The following KAT2B variants were observed in gnomAD, a reference collection of about 807,000 sequenced individuals.
KAT2B encodes lysine acetyltransferase 2B, also known as histone acetyltransferase KAT2B.
A neutral mutation model predicts 105.9 loss-of-function variants in KAT2B; 36 were observed. The observed-to-expected ratio is 0.34, with a 90% CI of 0.26 to 0.45. The LOEUF is 0.45. Among genes scored for constraint, KAT2B ranks in the 20% least tolerant of loss-of-function variants. KAT2B has a pLI of 1.00. For synonymous variants in KAT2B, 397 were observed against 377.9 expected, an observed-to-expected ratio of 1.05 and a Z score of -0.59; for missense variants, 820 against 1,021.6, an observed-to-expected ratio of 0.80 and a Z score of 2.69.
chr3:20,062,518 G>T lies in KAT2B; in HGVS notation c.304-9815G>T, dbSNP rs1462850536. On this transcript the variant is annotated intron_variant, in intron 1 of 17. Transcript: ENST00000263754. ...GCTCTGTCACCCAGGCTGGAGTGCA[G>T]TGGCATGATCTCGGCTCATTGTAAC... Among the ~76,000 whole-genome samples the T allele has an allele frequency of 3.4e-5, 5 of 146,950 alleles. No individual in the cohort carries two copies. In the Admixed American group the frequency reaches 3.6e-4, roughly 10 times the overall value.
chr3:20,044,889 A>G (rs1048027760), intron 1 of KAT2B, among the ~76,000 whole-genome samples: 2 of 152,234 alleles, frequency 1.3e-5, no homozygotes, highest in Admixed American at 1.3e-4. Flanking sequence ...AGAAAATGGA[A>G]GAAATGATTA....
intron 5 of KAT2B, among the ~76,000 whole-genome samples, chr3:20,106,981 A>ATATATG (rs1250825102): frequency 1.6e-4 from 1 of 6,238 alleles, no homozygotes; most frequent in Non-Finnish European, 2.7e-4. Context: ...ATATATATGT[A>ATATATG]TATATATATA....
intron 1 of KAT2B, among the ~76,000 whole-genome samples, chr3:20,047,117 T>G (rs1176297324): frequency 6.6e-6 from 1 of 151,708 alleles, no homozygotes; most frequent in Non-Finnish European, 1.5e-5. Context: ...GGCAGGGTCT[T>G]ACTCTGCTTC....
intron 1 of KAT2B, among the ~76,000 whole-genome samples, chr3:20,048,866 C>T (rs533151133): frequency 6.6e-6 from 1 of 152,024 alleles, no homozygotes; most frequent in Non-Finnish European, 1.5e-5. Context: ...TGCCTTTGGG[C>T]AGCGCCCCCC....
intron 11 of KAT2B, among the ~76,000 whole-genome samples, chr3:20,135,261 T>C (rs1280489252): frequency 6.6e-6 from 1 of 152,236 alleles, no homozygotes; most frequent in African/African-American, 2.4e-5. Flanking sequence ...GAGATGATGA[T>C]ACTGTTCTGT....
chr3:20,124,734 A>G (rs1559324266), intron 9 of KAT2B, among the ~76,000 whole-genome samples: 1 of 152,148 alleles, frequency 6.6e-6, no homozygotes, highest in Non-Finnish European at 1.5e-5. Context: ...AAAATTGTTA[A>G]ATTTTCAGGA....
chr3:20,121,178 G>A (rs1000770682), intron 8 of KAT2B, among the ~76,000 whole-genome samples: 1 of 152,060 alleles, frequency 6.6e-6, no homozygotes, highest in Non-Finnish European at 1.5e-5. Context: ...AAAAGAACTC[G>A]ACAAAAGTGA....
intron 5 of KAT2B, among the ~76,000 whole-genome samples, chr3:20,109,122 C>T (rs190944795): frequency 1.3e-3 from 203 of 152,224 alleles, no homozygotes; most frequent in African/African-American, 4.5e-3. Context: ...AATGTATTCC[C>T]GTTGTTAAGC....
At position 20,146,399 on chromosome 3, in the gene KAT2B, A is replaced by G. The variant is rs1253543465; in HGVS notation, c.2088A>G (p.Arg696=). ...PGLSCFKDGV[R]QIPIESIPGI... ...TTTCATGTTTTAAAGATGGAGTTCG[A>G]CAGATTCCTATAGAAAGCATTCCTG... The change falls in exon 14 of 18, where the codon CGA becomes CGG. Residue 696 remains arginine (R), a synonymous_variant. Coordinates refer to ENST00000263754, the MANE Select transcript of KAT2B (RefSeq NM_003884.5). 1.9e-6 allele frequency: 3 copies of G among 1,612,384 alleles called. No homozygotes were observed. The highest frequency in any genetic ancestry group is 2.5e-6 in the Non-Finnish European group (3 of 1,178,610).
At chr3:20,058,038 G>C (rs1180374639) in intron 1 of KAT2B, among the ~76,000 whole-genome samples, 1 of 152,134 alleles carries the variant, frequency 6.6e-6, no homozygotes, top group East Asian at 1.9e-4. Flanking sequence ...ATTTATACCT[G>C]GGTTGTTTTG....
intron 17 of KAT2B, 88 bp from the exon 18 acceptor site, chr3:20,152,241 CCAA>C (rs768677305): frequency 2.3e-4 from 184 of 791,500 alleles, no homozygotes; most frequent in Non-Finnish European, 3.3e-4. Flanking sequence ...TGTAATCAAA[CCAA>C]CAACATAGAT....
At chr3:20,092,163 T>G (rs962655887) in intron 2 of KAT2B, among the ~76,000 whole-genome samples, 1 of 152,200 alleles carries the variant, frequency 6.6e-6, no homozygotes, top group Non-Finnish European at 1.5e-5. Flanking sequence ...TTGTTGAAAG[T>G]GTAATATTGA....
At chr3:20,043,262 GGGT>G (rs1697750759) in intron 1 of KAT2B, among the ~76,000 whole-genome samples, 1 of 152,132 alleles carries the variant, frequency 6.6e-6, no homozygotes, top group Non-Finnish European at 1.5e-5. Flanking sequence ...GTTACCAACT[GGGT>G]GTCAGGCATT....
In KAT2B at chr3:20,110,330, T is replaced by C. The variant is rs1159855420; in HGVS notation, c.852-1266T>C. On this transcript the variant is annotated intron_variant, in intron 5 of 17. Transcript: ENST00000263754. ...CATGGCTACCACTGTTATATTTATGTTTTTGGGTCCTGGGAAATTCACATC... is the reference window on the plus strand; with the variant it reads ...CATGGCTACCACTGTTATATTTATGCTTTTGGGTCCTGGGAAATTCACATC... 2.0e-5 allele frequency among the ~76,000 whole-genome samples: 3 copies of C among 151,998 alleles called. No individual in the cohort carries two copies. The East Asian group carries it at 5.8e-4, about 29-fold the overall frequency.
chr3:20,043,715 G>A (rs1482985436), intron 1 of KAT2B, among the ~76,000 whole-genome samples: 2 of 131,272 alleles, frequency 1.5e-5, no homozygotes, highest in African/African-American at 5.7e-5. Context: ...CATTATCTCA[G>A]ATTTGCTTTT....
chr3:20,063,318 A>G (rs575227086), intron 1 of KAT2B, among the ~76,000 whole-genome samples: 1 of 150,068 alleles, frequency 6.7e-6, no homozygotes, highest in Admixed American at 6.8e-5. Context: ...TGCTGGGATT[A>G]TACACCTGAG....
At chr3:20,106,707 C>T (rs1043020313) in intron 5 of KAT2B, among the ~76,000 whole-genome samples, 3 of 151,798 alleles carry the variant, frequency 2.0e-5, no homozygotes, top group Non-Finnish European at 4.4e-5. Flanking sequence ...TGTTAAAGCA[C>T]TTTTGGATAA....
intron 6 of KAT2B, 119 bp downstream of exon 6, chr3:20,111,906 T>A (rs1486740053): frequency 1.3e-6 from 1 of 783,000 alleles, no homozygotes; most frequent in Non-Finnish European, 2.0e-6. Flanking sequence ...TCCAAGGGGA[T>A]GGGAGAAAAG....
rs138368891 is a variant in KAT2B, at chr3:20,076,711, T to G, written c.430+4252T>G. ...TATTTTAGCAAGTTTCCTACATTTT[T>G]TCTTATCTTATTCATGCAGATATCT... On this transcript the variant is annotated intron_variant, in intron 2 of 17. Transcript: ENST00000263754. Among the ~76,000 whole-genome samples, 168 of 152,326 alleles carry G rather than the reference T, an allele frequency of 1.1e-3. 2 individuals carry two copies. Among genetic ancestry groups the G allele is most frequent in the African/African-American group, 3.7e-3 (153 of 41,572 alleles).
Sources: gnomAD v4.1 joint callset for allele counts (sites outside exome capture counted in the v4.1 genomes callset) on GRCh38, gnomAD v4.1.1 for gene constraint, MANE v1.5 for transcripts, NCBI Gene and HGNC (gene_info 2026-07-23, HGNC 2026-07-21) for gene names.